The following EPHA6 variants were observed in gnomAD, a reference collection of about 807,000 sequenced individuals.
EPHA6 encodes ephrin type-A receptor 6.
Under a neutral mutation model 112.0 loss-of-function variants are expected in EPHA6, and 50 were observed. The observed-to-expected ratio is 0.45, with a 90% CI of 0.36 to 0.56. The LOEUF is 0.56. Ranked by LOEUF, EPHA6 falls within the 20% of genes least tolerant of loss-of-function variation. EPHA6 has a pLI of 0.00. For synonymous variants in EPHA6, 529 were observed against 490.7 expected (o/e 1.08, Z -1.03); for missense variants, 1,280 against 1,417.4 (o/e 0.90, Z 1.56).
At chr3:97,252,454 C>T (rs141576534) in intron 5 of EPHA6, among the ~76,000 whole-genome samples, 65 of 152,260 alleles carry the variant, frequency 4.3e-4, no homozygotes, top group Non-Finnish European at 8.8e-4. Flanking sequence ...CAGGCACACC[C>T]ACACGATGCT....
intron 7 of EPHA6, among the ~76,000 whole-genome samples, chr3:97,453,901 T>G (rs563336421): frequency 6.6e-6 from 1 of 151,856 alleles, no homozygotes; most frequent in African/African-American, 2.4e-5. Flanking sequence ...ATTTGCACAC[T>G]TAAAAGTTCT....
rs1418525857 is a variant in EPHA6 at position 96,987,895 on chromosome 3, C to T, written c.1016C>T (p.Thr339Ile). ...GTGAAGAGTGCTGAAGAGCGTGACACTCCTAAACTGTATTGTGGAGCTGAT... is the reference window on the plus strand; with the variant it reads ...GTGAAGAGTGCTGAAGAGCGTGACATTCCTAAACTGTATTGTGGAGCTGAT... ...SCVKSAEERD[T>I]PKLYCGADGD... is the part of the protein sequence containing the mutation. Residue 339 changes from threonine (T) to isoleucine (I), a missense_variant, in exon 3 of 18, where the codon ACT becomes ATT. Physicochemically the swap from Thr to Ile is moderately conservative, Grantham distance 89. Around this residue, in one of 4 missense-constraint regions of EPHA6, gnomAD observed 878 missense variants for 999.7 expected, o/e 0.88. Transcript: ENST00000389672. 1.1e-5 allele frequency: 17 copies of T among 1,613,688 alleles called. No individual in the cohort carries two copies. Among genetic ancestry groups the T allele is most frequent in the Non-Finnish European group, 1.4e-5 (17 of 1,179,810 alleles).
intron 14 of EPHA6, among the ~76,000 whole-genome samples, chr3:97,639,241 TAA>T (rs1464197663): frequency 6.6e-6 from 1 of 151,974 alleles, no homozygotes; most frequent in Non-Finnish European, 1.5e-5. Flanking sequence ...TTCATAAAAA[TAA>T]AAGTCTATCA....
At chr3:97,125,483 T>G (rs2048159070) in intron 3 of EPHA6, among the ~76,000 whole-genome samples, 2 of 152,172 alleles carry the variant, frequency 1.3e-5, no homozygotes, top group African/African-American at 4.8e-5. Context: ...TATTTTGGAT[T>G]TCTTTTTCCC....
chr3:97,000,725 A>T (rs996277373), intron 3 of EPHA6, among the ~76,000 whole-genome samples: 1 of 151,820 alleles, frequency 6.6e-6, no homozygotes, highest in Non-Finnish European at 1.5e-5. Context: ...GTAAGGTTAA[A>T]TATTGTCATG....
chr3:97,615,366 C>T (rs2093756910), intron 13 of EPHA6, among the ~76,000 whole-genome samples: 1 of 152,150 alleles, frequency 6.6e-6, no homozygotes. Flanking sequence ...TATACGTGGG[C>T]TCTGGGGTCC....
chr3:97,697,832 C>T (rs951374442), intron 14 of EPHA6, among the ~76,000 whole-genome samples: 2 of 152,162 alleles, frequency 1.3e-5, no homozygotes, highest in Admixed American at 6.5e-5. Context: ...ACTGCTTCCA[C>T]CTAAAACTTC....
chr3:97,548,034 C>A (rs1195989383), intron 11 of EPHA6, among the ~76,000 whole-genome samples: 4 of 152,166 alleles, frequency 2.6e-5, no homozygotes, highest in African/African-American at 9.7e-5. Flanking sequence ...TGACGCCTCG[C>A]CCTGCTTTGG....
chr3:96,946,855 A>G (rs2041291214), intron 2 of EPHA6, among the ~76,000 whole-genome samples: 1 of 152,122 alleles, frequency 6.6e-6, no homozygotes, highest in South Asian at 2.1e-4. Context: ...TGACTTTTTA[A>G]TGATCACCAT....
intron 6 of EPHA6, among the ~76,000 whole-genome samples, chr3:97,410,400 T>A (rs1455611958): frequency 6.6e-6 from 1 of 152,068 alleles, no homozygotes; most frequent in Admixed American, 6.6e-5. Flanking sequence ...TCTTTTGTTG[T>A]ATTTCCTTTA....
At chr3:97,487,699 T>C (rs1431281854) in intron 10 of EPHA6, among the ~76,000 whole-genome samples, 1 of 152,198 alleles carries the variant, frequency 6.6e-6, no homozygotes, top group Non-Finnish European at 1.5e-5. Flanking sequence ...TGTATCACTG[T>C]TCTATTTAAT....
chr3:97,331,287 G>C (rs945414156), intron 5 of EPHA6, among the ~76,000 whole-genome samples: 1 of 152,076 alleles, frequency 6.6e-6, no homozygotes, highest in African/African-American at 2.4e-5. Context: ...ATGCCCACAA[G>C]AGAAAGCAGG....
chr3:96,896,979 A>C (rs938865484), intron 2 of EPHA6, among the ~76,000 whole-genome samples: 5 of 152,152 alleles, frequency 3.3e-5, no homozygotes, highest in Non-Finnish European at 7.4e-5. Context: ...AAAAATTGTT[A>C]TGAAAACATA....
intron 1 of EPHA6, among the ~76,000 whole-genome samples, chr3:96,856,001 C>T (rs187569882): frequency 6.6e-6 from 1 of 152,122 alleles, no homozygotes; most frequent in African/African-American, 2.4e-5. Context: ...AAGGTCAAGG[C>T]TAAGGTGGCT....
chr3:97,113,746 A>G (rs1289685452), intron 3 of EPHA6, among the ~76,000 whole-genome samples: 1 of 152,088 alleles, frequency 6.6e-6, no homozygotes, highest in African/African-American at 2.4e-5. Context: ...CCTTCCCCAT[A>G]AAGGCTATAT....
At chr3:97,541,707 T>C (rs1057443542) in intron 11 of EPHA6, among the ~76,000 whole-genome samples, 2 of 146,700 alleles carry the variant, frequency 1.4e-5, no homozygotes, top group East Asian at 3.9e-4. Context: ...AGTTCGGGTG[T>C]GTCTTGTTTT....
chr3:97,724,659 C>A (rs1250082831), intron 15 of EPHA6, among the ~76,000 whole-genome samples: 1 of 151,394 alleles, frequency 6.6e-6, no homozygotes, highest in African/African-American at 2.4e-5. Flanking sequence ...CACAGTTACT[C>A]AGAAGGCTTG....
chr3:96,999,772 A>C (rs548720486), intron 3 of EPHA6, among the ~76,000 whole-genome samples: 33 of 151,912 alleles, frequency 2.2e-4, no homozygotes, highest in Non-Finnish European at 4.1e-4. Flanking sequence ...CCTAAGATGA[A>C]TAAGCATAAC....
At position 97,759,786 on chromosome 3, in the gene EPHA6, T is replaced by C. The variant is rs2036113825; in HGVS notation, c.*11085T>C. ...GGACGTATAGGTTGGAAGAGACATA[T>C]GTAAGTAGTTGGATAGTAGGAAAGT... On this transcript the variant is annotated 3_prime_UTR_variant, in exon 18 of 18. Transcript: ENST00000389672. 2 of 224,068 alleles carry C rather than the reference T, an allele frequency of 8.9e-6. No homozygotes were observed. The highest frequency in any genetic ancestry group is 4.5e-5 in the African/African-American group (2 of 44,872). The allele number at this position is 224,068 out of a possible 1,614,324, so 13.9% of individuals were successfully genotyped here.
Sources: allele counts gnomAD v4.1 joint callset (sites outside exome capture counted in the v4.1 genomes callset), GRCh38; gene constraint gnomAD v4.1.1; regional missense constraint gnomAD v4.1.1; transcripts MANE v1.5; gene names NCBI Gene and HGNC (gene_info 2026-07-23, HGNC 2026-07-21).